GAREM1: variants seen among roughly 807,000 people sequenced by gnomAD.
GAREM1 encodes the protein GRB2 associated regulator of MAPK1 subtype 1.
Under a neutral mutation model 71.3 loss-of-function variants are expected in GAREM1, and 26 were observed. That is an observed-to-expected ratio of 0.36 (90% confidence interval 0.27 to 0.51). The LOEUF (loss-of-function observed/expected upper bound fraction) is 0.51, where lower values mean the gene tolerates loss of function less well. Among genes scored for constraint, GAREM1 ranks in the 20% least tolerant of loss-of-function variants. GAREM1 has a pLI of 0.95. For missense variants in GAREM1, 1,026 were observed against 1,103.1 expected (o/e 0.93, Z 0.99); for synonymous variants, 440 against 433.2 (o/e 1.02, Z -0.20).
At chr18:32,319,957 G>A (rs557632135) in intron 2 of GAREM1, among the ~76,000 whole-genome samples, 1 of 152,320 alleles carries the variant, frequency 6.6e-6, no homozygotes, top group Non-Finnish European at 1.5e-5. Context: ...CCCCAGTGAT[G>A]TTGAAGTTAA....
intron 4 of GAREM1, among the ~76,000 whole-genome samples, chr18:32,283,549 A>C (rs958676778): frequency 1.3e-5 from 2 of 148,950 alleles, no homozygotes; most frequent in Non-Finnish European, 2.9e-5. Context: ...CTGTCTCAAA[A>C]AAAACAAAAC....
At chr18:32,370,710 C>T (rs2047969787) in intron 2 of GAREM1, among the ~76,000 whole-genome samples, 1 of 151,956 alleles carries the variant, frequency 6.6e-6, no homozygotes, top group South Asian at 2.1e-4. Flanking sequence ...GTAATAGATG[C>T]TAATACTAAC....
chr18:32,405,261 C>A (rs1426362562), intron 1 of GAREM1, among the ~76,000 whole-genome samples: 1 of 151,934 alleles, frequency 6.6e-6, no homozygotes, highest in African/African-American at 2.4e-5. Flanking sequence ...TGCAGTGGTG[C>A]GATCTTGGCT....
intron 2 of GAREM1, among the ~76,000 whole-genome samples, chr18:32,386,515 G>A (rs1270108364): frequency 6.6e-6 from 1 of 152,316 alleles, no homozygotes; most frequent in African/African-American, 2.4e-5. Flanking sequence ...GCTTGTTACA[G>A]ATTCACCAGA....
At chr18:32,279,302 C>G (rs116407488) in intron 4 of GAREM1, among the ~76,000 whole-genome samples, 1 of 152,114 alleles carries the variant, frequency 6.6e-6, no homozygotes, top group Non-Finnish European at 1.5e-5. Flanking sequence ...CAGCAGGAGG[C>G]GAGCAGCTGG....
intron 3 of GAREM1, among the ~76,000 whole-genome samples, chr18:32,299,296 C>T (rs536198908): frequency 3.9e-5 from 6 of 152,022 alleles, no homozygotes; most frequent in Middle Eastern, 3.4e-3. Flanking sequence ...GGGCGGATCA[C>T]GAGGTCAGGA....
chr18:32,446,376 A>T (rs188120870), intron 1 of GAREM1, among the ~76,000 whole-genome samples: 4 of 152,264 alleles, frequency 2.6e-5, no homozygotes, highest in Admixed American at 2.6e-4. Context: ...TCACAACAAG[A>T]CAAAGAGGGA....
chr18:32,409,294 C>T (rs2421462), intron 1 of GAREM1, among the ~76,000 whole-genome samples: 36,348 of 152,030 alleles, frequency 0.24, 5,499 homozygotes, highest in African/African-American at 0.43. Flanking sequence ...AAAAGAACTT[C>T]TTTTCAAGTA....
rs144294082 is a variant in GAREM1 at position 32,407,608 on chromosome 18, A to G, written c.122-14573T>C. 3.2e-3 allele frequency among the ~76,000 whole-genome samples: 482 copies of G among 152,306 alleles called. 1 individual carries two copies. Among genetic ancestry groups the G allele is most frequent in the African/African-American group, 0.011 (452 of 41,574 alleles). ...TAGAATCTCCAGTACAATGCTGAACATAAGTGGCAACCAAGATCTAGCTTT... is the reference window on the plus strand; with the variant it reads ...TAGAATCTCCAGTACAATGCTGAACGTAAGTGGCAACCAAGATCTAGCTTT... On this transcript the variant is annotated intron_variant, in intron 1 of 5. Transcript: ENST00000269209.
chr18:32,271,239 T>C (rs1338767114), intron 4 of GAREM1, among the ~76,000 whole-genome samples: 2 of 152,208 alleles, frequency 1.3e-5, no homozygotes, highest in South Asian at 4.2e-4. Context: ...GTTGCCCATG[T>C]TGGAGTGCAG....
intron 2 of GAREM1, among the ~76,000 whole-genome samples, chr18:32,329,825 G>A (rs1661817): frequency 0.089 from 13,501 of 151,546 alleles, 661 homozygotes; most frequent in South Asian, 0.12. Flanking sequence ...GAGAGTGATC[G>A]GGCACCATTT....
At chr18:32,318,314 T>C (rs538719680) in intron 2 of GAREM1, among the ~76,000 whole-genome samples, 2 of 152,298 alleles carry the variant, frequency 1.3e-5, no homozygotes, top group African/African-American at 2.4e-5. Flanking sequence ...CCCCTCAAGA[T>C]AGCCACAGTG....
chr18:32,345,552 C>G (rs1380769116), intron 2 of GAREM1, among the ~76,000 whole-genome samples: 2 of 152,184 alleles, frequency 1.3e-5, no homozygotes, highest in Non-Finnish European at 2.9e-5. Context: ...GAAGTCCTCT[C>G]TCTACAACCT....
At chr18:32,300,355 G>A (rs1010134275) in intron 3 of GAREM1, among the ~76,000 whole-genome samples, 2 of 152,150 alleles carry the variant, frequency 1.3e-5, no homozygotes, top group African/African-American at 4.8e-5. Flanking sequence ...GAGGAATGGT[G>A]GGTTACAACT....
In GAREM1 at chr18:32,273,654, T is replaced by C. The variant is rs1361882534; in HGVS notation, c.1567-3271A>G. Reference sequence around the variant, plus strand: ...TGCTCAAGACAGAATTTGAGACACATAGAGCTTTTGGGGTGGCCACATGAC... The same window carrying C: ...TGCTCAAGACAGAATTTGAGACACACAGAGCTTTTGGGGTGGCCACATGAC... On this transcript the variant is annotated intron_variant, in intron 4 of 5. Transcript: ENST00000269209. Among the ~76,000 whole-genome samples the C allele has an allele frequency of 2.6e-5, 4 of 151,924 alleles. No individual in the cohort carries two copies. The East Asian group carries it at 5.8e-4, about 22-fold the overall frequency.
chr18:32,300,036 TAA>T, intron 3 of GAREM1, among the ~76,000 whole-genome samples: 1 of 152,186 alleles, frequency 6.6e-6, no homozygotes, highest in East Asian at 1.9e-4. Flanking sequence ...GAGACAGTGA[TAA>T]GTTTAAATTT....
At chr18:32,404,689 C>T (rs1236804397) in intron 1 of GAREM1, among the ~76,000 whole-genome samples, 1 of 152,186 alleles carries the variant, frequency 6.6e-6, no homozygotes, top group Non-Finnish European at 1.5e-5. Flanking sequence ...CCTAACTTTG[C>T]AAATATATAA....
chr18:32,301,762 A>C (rs945844948), intron 3 of GAREM1, among the ~76,000 whole-genome samples: 1 of 152,236 alleles, frequency 6.6e-6, no homozygotes, highest in South Asian at 2.1e-4. Flanking sequence ...ACTGAAGGCT[A>C]TCTCTCCACA....
intron 3 of GAREM1, among the ~76,000 whole-genome samples, chr18:32,296,660 T>C (rs1280886121): frequency 6.6e-6 from 1 of 151,766 alleles, no homozygotes; most frequent in African/African-American, 2.4e-5. Context: ...TCCATAGGAC[T>C]TGTAGTTTCA....
Sources: gnomAD v4.1 joint callset for allele counts (sites outside exome capture counted in the v4.1 genomes callset) on GRCh38, gnomAD v4.1.1 for gene constraint, MANE v1.5 for transcripts, NCBI Gene and HGNC (gene_info 2026-07-23, HGNC 2026-07-21) for gene names.